PPARGC1A: variants seen among roughly 807,000 people sequenced by gnomAD.
PPARGC1A encodes PPARG coactivator 1 alpha, also known as peroxisome proliferator-activated receptor gamma coactivator 1-alpha.
A neutral mutation model predicts 88.7 loss-of-function variants in PPARGC1A; 25 were observed. That is an observed-to-expected ratio of 0.28 (90% CI 0.21 to 0.39). The LOEUF is 0.39. Ranked by LOEUF, PPARGC1A falls within the 10% of genes least tolerant of loss-of-function variation. The pLI, the probability that PPARGC1A is intolerant of heterozygous loss-of-function variation, is 1.00. For synonymous variants in PPARGC1A, 363 were observed against 355.6 expected, an observed-to-expected ratio of 1.02 and a Z score of -0.24; for missense variants, 880 against 968.7, an observed-to-expected ratio of 0.91 and a Z score of 1.22.
the PPARGC1A span, among the ~76,000 whole-genome samples, chr4:24,329,075 T>C: frequency 6.6e-6 from 1 of 152,058 alleles, no homozygotes; most frequent in Non-Finnish European, 1.5e-5. Context: ...TTTCCTGAGA[T>C]AAGGATGCTA....
the PPARGC1A span, among the ~76,000 whole-genome samples, chr4:24,141,222 G>A: frequency 1.3e-5 from 2 of 152,234 alleles, no homozygotes; most frequent in Non-Finnish European, 2.9e-5. Flanking sequence ...TCATGAGATG[G>A]CAGGTGCATT....
the PPARGC1A span, among the ~76,000 whole-genome samples, chr4:24,323,768 C>CA: frequency 1.8e-4 from 28 of 152,334 alleles, no homozygotes; most frequent in East Asian, 4.6e-3. Context: ...ATCAATCCCC[C>CA]ATCCTCCTGC....
the PPARGC1A span, among the ~76,000 whole-genome samples, chr4:24,387,818 A>AAGAAAGAAAGAAAGAAAGAAAGAAAG: frequency 1.2e-5 from 1 of 81,076 alleles, no homozygotes; most frequent in African/African-American, 4.8e-5. Context: ...GAAAGAAAGA[A>AAGAAAGAAAGAAAGAAAGAAAGAAAG]AGAAAGAGAG....
the PPARGC1A span, among the ~76,000 whole-genome samples, chr4:24,202,892 G>A: frequency 6.6e-6 from 1 of 152,152 alleles, no homozygotes; most frequent in African/African-American, 2.4e-5. Context: ...GCCATCCCCA[G>A]GACAAACAAG....
the PPARGC1A span, among the ~76,000 whole-genome samples, chr4:23,979,748 A>T: frequency 9.2e-5 from 14 of 152,150 alleles, no homozygotes; most frequent in East Asian, 1.9e-3. Flanking sequence ...GAAAATAACC[A>T]TTTGGATGGT....
chr4:23,832,311 G>A (rs1725156407), intron 2 of PPARGC1A, among the ~76,000 whole-genome samples: 1 of 152,062 alleles, frequency 6.6e-6, no homozygotes, highest in African/African-American at 2.4e-5. Flanking sequence ...TTTGCTCCCT[G>A]ACATCTCTCC....
the PPARGC1A span, among the ~76,000 whole-genome samples, chr4:24,105,992 A>G: frequency 6.6e-6 from 1 of 152,238 alleles, no homozygotes; most frequent in Non-Finnish European, 1.5e-5. Context: ...GCACTAACTC[A>G]TTTCAGCAGC....
intron 2 of PPARGC1A, among the ~76,000 whole-genome samples, chr4:23,836,838 A>G (rs1726108971): frequency 6.6e-6 from 1 of 152,188 alleles, no homozygotes; most frequent in African/African-American, 2.4e-5. Context: ...AGTGCATTCA[A>G]CTCACCCAAC....
At chr4:24,177,853 G>T in the PPARGC1A span, among the ~76,000 whole-genome samples, 1 of 152,036 alleles carries the variant, frequency 6.6e-6, no homozygotes, top group South Asian at 2.1e-4. Context: ...TTGCATATGA[G>T]AAGTCTTAGG....
the PPARGC1A span, among the ~76,000 whole-genome samples, chr4:24,153,820 A>G: frequency 6.6e-6 from 1 of 152,160 alleles, no homozygotes; most frequent in Non-Finnish European, 1.5e-5. Flanking sequence ...TGGAAACAAC[A>G]CCAAATTGTT....
the PPARGC1A span, among the ~76,000 whole-genome samples, chr4:24,436,739 CCGGGT>C: frequency 3.6e-5 from 5 of 140,094 alleles, no homozygotes; most frequent in African/African-American, 1.1e-4. Context: ...ACCCCAGAGC[CCGGGT>C]CACAGAGCTG....
At chr4:24,192,143 T>G in the PPARGC1A span, among the ~76,000 whole-genome samples, 1 of 152,184 alleles carries the variant, frequency 6.6e-6, no homozygotes, top group Non-Finnish European at 1.5e-5. Flanking sequence ...TACTGTCTGG[T>G]GAAATATGCA....
intron 2 of PPARGC1A, among the ~76,000 whole-genome samples, chr4:23,859,853 A>AATAAC (rs1477786182): frequency 2.2e-5 from 3 of 134,980 alleles, no homozygotes; most frequent in Admixed American, 7.5e-5. Context: ...AATAAAATAA[A>AATAAC]ATAACACCAA....
intron 2 of PPARGC1A, among the ~76,000 whole-genome samples, chr4:23,857,373 GACACACACACACACGCAC>G (rs1730379629): frequency 2.9e-5 from 3 of 104,452 alleles, no homozygotes; most frequent in East Asian, 2.7e-4. Flanking sequence ...GTGTGTGTGT[GACACACACACACACGCAC>G]GTACTAAATA....
the PPARGC1A span, among the ~76,000 whole-genome samples, chr4:24,100,242 G>GT: frequency 2.6e-5 from 4 of 152,122 alleles, no homozygotes; most frequent in Non-Finnish European, 5.9e-5. Context: ...TTACCTTGAA[G>GT]GTCTATTGGC....
intron 2 of PPARGC1A, among the ~76,000 whole-genome samples, chr4:23,840,051 C>A (rs1201476497): frequency 1.3e-5 from 2 of 152,052 alleles, no homozygotes; most frequent in Non-Finnish European, 2.9e-5. Context: ...ATTTTATTCT[C>A]AACACAGAAG....
In PPARGC1A at chr4:23,813,042, G is replaced by A. The variant is rs149856244; in HGVS notation, c.1877C>T (p.Ser626Leu). Reference protein sequence around the residue: ...SPLYVRSRSRSPYSRRPRYDS... With the variant: ...SPLYVRSRSRLPYSRRPRYDS... ...TTACCTGGGCCGACGGCTGTAGGGC[G>A]ATCTTGAACGTGATCTCACATACAA... is the stretch of plus-strand genomic sequence containing the variant. Residue 626 changes from serine to leucine, a missense_variant, in exon 9 of 13, where the codon TCG becomes TTG. Coordinates refer to ENST00000264867, the MANE Select transcript of PPARGC1A (RefSeq NM_013261.5). 3.7e-6 allele frequency: 6 copies of A among 1,614,058 alleles called. No homozygotes were observed. The highest frequency in any genetic ancestry group is 1.7e-5 in the Admixed American group (1 of 60,016).
At chr4:23,881,653 G>C (rs145766148) in intron 2 of PPARGC1A, 1 of 152,136 alleles carries the variant, frequency 6.6e-6, no homozygotes, top group Non-Finnish European at 1.5e-5. Flanking sequence ...TGTCATTGAC[G>C]TGCTACTTGA....
chr4:24,472,231 TG>T, the PPARGC1A span, among the ~76,000 whole-genome samples: 2 of 152,166 alleles, frequency 1.3e-5, no homozygotes, highest in Admixed American at 6.5e-5. This position sits in a 1 kb window ranked among gnomAD's most constrained non-coding sequence, Gnocchi z 4.5. Flanking sequence ...TCTCGCCGGT[TG>T]GCGCTGACCC....
Sources: allele counts gnomAD v4.1 joint callset (sites outside exome capture counted in the v4.1 genomes callset), GRCh38; gene constraint gnomAD v4.1.1; non-coding constraint Gnocchi (gnomAD v3.1); transcripts MANE v1.5; gene names NCBI Gene and HGNC (gene_info 2026-07-23, HGNC 2026-07-21).